The following TRIM67 variants were observed in gnomAD, a reference collection of about 807,000 sequenced individuals.
TRIM67 encodes the protein tripartite motif-containing protein 67.
A neutral mutation model predicts 71.0 loss-of-function variants in TRIM67; 39 were observed. The observed-to-expected ratio is 0.55, with a 90% CI of 0.43 to 0.72. The LOEUF is 0.72. Among genes scored for constraint, TRIM67 ranks in the 30% least tolerant of loss-of-function variants. The pLI is 0.00. For synonymous variants in TRIM67, 481 were observed against 473.9 expected (o/e 1.01, Z -0.19); for missense variants, 973 against 1,079.2 (o/e 0.90, Z 1.38).
At chr1:231,203,091 T>C (rs963854037) in intron 5 of TRIM67, among the ~76,000 whole-genome samples, 2 of 152,164 alleles carry the variant, frequency 1.3e-5, no homozygotes, top group South Asian at 2.1e-4. Flanking sequence ...GCCCAAATTC[T>C]TGGAACCAAA....
chr1:231,182,180 C>T (rs938599641), intron 1 of TRIM67, among the ~76,000 whole-genome samples: 4 of 152,084 alleles, frequency 2.6e-5, no homozygotes, highest in Admixed American at 2.0e-4. Flanking sequence ...TCATCTTGCC[C>T]GATTAAAAAC....
At chr1:231,203,176 C>A (rs1240419853) in intron 5 of TRIM67, among the ~76,000 whole-genome samples, 3 of 152,204 alleles carry the variant, frequency 2.0e-5, no homozygotes, top group Non-Finnish European at 4.4e-5. Context: ...AAAGTGGACT[C>A]TATCGATTTC....
chr1:231,190,250 C>T (rs896858815), intron 1 of TRIM67, among the ~76,000 whole-genome samples: 3 of 152,156 alleles, frequency 2.0e-5, no homozygotes, highest in Non-Finnish European at 4.4e-5. Context: ...AGAGTCGTGG[C>T]AGCAGGCTCC....
At chr1:231,180,220 T>C (rs577423056) in intron 1 of TRIM67, among the ~76,000 whole-genome samples, 1 of 152,322 alleles carries the variant, frequency 6.6e-6, no homozygotes, top group South Asian at 2.1e-4. Context: ...AGTATTCAGT[T>C]ATGTGGATAT....
intron 1 of TRIM67, chr1:231,183,966 A>G (rs889808442): frequency 6.6e-6 from 1 of 152,144 alleles, no homozygotes; most frequent in Non-Finnish European, 1.5e-5. Flanking sequence ...GATAGCAGGG[A>G]TCTGCTCAAG....
chr1:231,185,230 A>G (rs1195679686), intron 1 of TRIM67: 1 of 1,532,738 alleles, frequency 6.5e-7, no homozygotes, highest in Admixed American at 2.0e-5. Context: ...CTTTATCTGA[A>G]AACTCCCTGT....
intron 1 of TRIM67, among the ~76,000 whole-genome samples, chr1:231,188,962 G>T (rs1489181627): frequency 6.6e-6 from 1 of 152,126 alleles, no homozygotes; most frequent in Non-Finnish European, 1.5e-5. Context: ...CACTTTTCTG[G>T]CCTCAGCGGG....
intron 7 of TRIM67, among the ~76,000 whole-genome samples, chr1:231,208,703 G>A (rs1382287864): frequency 2.0e-5 from 3 of 152,206 alleles, no homozygotes; most frequent in African/African-American, 7.2e-5. Flanking sequence ...TTTGAGGCCT[G>A]AAAATCCTTG....
Position 231,209,085 on chromosome 1 carries a change from G to C in TRIM67, c.1958G>C (p.Trp653Ser). 6.2e-7 allele frequency: 1 copy of C among 1,614,006 alleles called. No individual in the cohort carries two copies. Among genetic ancestry groups the C allele is most frequent in the Non-Finnish European group, 8.5e-7 (1 of 1,179,884 alleles). Residue 653 changes from tryptophan (W) to serine (S), a missense_variant, in exon 8 of 10, where the codon TGG becomes TCG. This residue lies in a region of TRIM67 where 178 missense variants were observed against 247.9 expected (regional missense o/e 0.72). Coordinates refer to ENST00000366653, the MANE Select transcript of TRIM67 (RefSeq NM_001004342.5). This position sits in a 1 kb window ranked among gnomAD's most constrained non-coding sequence, Gnocchi z 4.1. ...GCGTTCTCCAAGGGCGTGCACTACT[G>C]GGAGCTGCACGTGGACCGGTACGAC... is the stretch of plus-strand genomic sequence containing the variant. ...TAAFSKGVHY[W>S]ELHVDRYDNH... is the part of the protein sequence containing the mutation.
At position 231,201,462 on chromosome 1, in the gene TRIM67, C is replaced by A; in HGVS notation, c.1479C>A (p.Ser493Arg). 6.2e-7 allele frequency: 1 copy of A among 1,613,602 alleles called. No homozygotes were observed. Among genetic ancestry groups the A allele is most frequent in the Non-Finnish European group, 8.5e-7 (1 of 1,179,786 alleles). ...VSAEFDLTLD[S>R]EPLLQAIHQL... ...CGGAGTTTGATCTGACTTTGGACAGCGAGCCGCTGCTGCAGGCCATCCACC... is the reference window on the plus strand; with the variant it reads ...CGGAGTTTGATCTGACTTTGGACAGAGAGCCGCTGCTGCAGGCCATCCACC... The change falls in exon 5 of 10, where the codon AGC (serine) becomes AGA (arginine). Residue 493 changes from serine (S) to arginine (R), a missense_variant. Coordinates refer to ENST00000366653, the MANE Select transcript of TRIM67 (RefSeq NM_001004342.5).
chr1:231,187,641 C>A (rs1683122531), intron 1 of TRIM67: 5 of 1,334,918 alleles, frequency 3.7e-6, no homozygotes, highest in Non-Finnish European at 5.1e-6. Flanking sequence ...TAATACACGC[C>A]CCATCTCTAC....
At chr1:231,188,793 C>T (rs140501071) in intron 1 of TRIM67, among the ~76,000 whole-genome samples, 9 of 152,236 alleles carry the variant, frequency 5.9e-5, no homozygotes, top group Middle Eastern at 3.4e-3. Flanking sequence ...AGCAAGCTGT[C>T]GGTTGTTATT....
At chr1:231,206,953 C>T (rs1243248381) in intron 7 of TRIM67, among the ~76,000 whole-genome samples, 163 bp downstream of exon 7, 1 of 152,148 alleles carries the variant, frequency 6.6e-6, no homozygotes, top group Non-Finnish European at 1.5e-5. Context: ...CACAGGCGGG[C>T]TCCCAAAGGA....
intron 1 of TRIM67, among the ~76,000 whole-genome samples, chr1:231,188,082 G>C (rs1008758205): frequency 6.6e-6 from 1 of 152,142 alleles, no homozygotes; most frequent in Non-Finnish European, 1.5e-5. Flanking sequence ...ATCTATGACT[G>C]TGTCCACATA....
intron 1 of TRIM67, among the ~76,000 whole-genome samples, chr1:231,183,454 A>G (rs754086051): frequency 3.3e-5 from 5 of 152,078 alleles, no homozygotes; most frequent in Non-Finnish European, 5.9e-5. Context: ...AAAATAACAA[A>G]ATATAAAAAT....
chr1:231,199,077 G>C lies in TRIM67; in HGVS notation c.1171G>C (p.Val391Leu). ...CGGACTGGACTACGAAGCCTGCCTCGTTGCTCAGTGTGATGCCCTTGTGGA... is the reference window on the plus strand; with the variant it reads ...CGGACTGGACTACGAAGCCTGCCTCCTTGCTCAGTGTGATGCCCTTGTGGA... ...ENGLDYEACL[V>L]AQCDALVDAL... Residue 391 changes from valine (V) to leucine (L), a missense_variant, in exon 3 of 10, where the codon GTT (valine) becomes CTT (leucine). Transcript: ENST00000366653. The C allele has an allele frequency of 6.2e-7, 1 of 1,613,928 alleles. No homozygotes were observed. Among genetic ancestry groups the C allele is most frequent in the Non-Finnish European group, 8.5e-7 (1 of 1,179,868 alleles).
chr1:231,168,780 G>C (rs1682544490), intron 1 of TRIM67, among the ~76,000 whole-genome samples: 1 of 152,186 alleles, frequency 6.6e-6, no homozygotes, highest in Non-Finnish European at 1.5e-5. Context: ...TGACCTCTTG[G>C]ATTTTAAGGT....
chr1:231,220,060 C>CACAA lies in TRIM67; in HGVS notation c.*4620_*4621insACAA. The CACAA allele has an allele frequency of 4.8e-6, 4 of 833,590 alleles. No homozygotes were observed. Among genetic ancestry groups the CACAA allele is most frequent in the Non-Finnish European group, 7.0e-6 (4 of 573,866 alleles). The allele number at this position is 833,590 out of a possible 1,614,324, so 51.6% of individuals were successfully genotyped here. A position where few individuals can be genotyped will look rare whatever the true frequency, so the allele number is the denominator to read the frequency against. On this transcript the variant is annotated 3_prime_UTR_variant, in exon 10 of 10. Transcript: ENST00000366653. ...GACTAGTCATACTAACCTACCTCCT[C>CACAA]TGATGTATTGTGAGGATTATACAAT... is the stretch of plus-strand genomic sequence containing the variant.
chr1:231,178,875 C>T (rs910900545), intron 1 of TRIM67, among the ~76,000 whole-genome samples: 2 of 152,190 alleles, frequency 1.3e-5, no homozygotes, highest in Non-Finnish European at 2.9e-5. Flanking sequence ...ATTACACCTT[C>T]GGGGCACTCA....
Sources: allele counts gnomAD v4.1 joint callset (sites outside exome capture counted in the v4.1 genomes callset), GRCh38; gene constraint gnomAD v4.1.1; regional missense constraint gnomAD v4.1.1; non-coding constraint Gnocchi (gnomAD v3.1); transcripts MANE v1.5; gene names NCBI Gene and HGNC (gene_info 2026-07-23, HGNC 2026-07-21).